Variants in RSPO2 observed in about 807,000 individuals in gnomAD.
RSPO2 encodes R-spondin 2.
A neutral mutation model predicts 30.9 loss-of-function variants in RSPO2; 14 were observed. That is an observed-to-expected ratio of 0.45 (90% CI 0.30 to 0.71). RSPO2 has a LOEUF of 0.71. Among genes scored for constraint, RSPO2 ranks in the 30% least tolerant of loss-of-function variants. The pLI is 0.08. For synonymous variants in RSPO2, 107 were observed against 96.4 expected, an observed-to-expected ratio of 1.11 and a Z score of -0.64; for missense variants, 264 against 301.9, an observed-to-expected ratio of 0.87 and a Z score of 0.93.
intron 2 of RSPO2, among the ~76,000 whole-genome samples, chr8:108,041,475 G>C (rs1438412605): frequency 3.3e-5 from 5 of 151,946 alleles, no homozygotes; most frequent in African/African-American, 9.7e-5. Context: ...AACAGCAAAA[G>C]CAACAGGCCC....
At chr8:107,906,727 T>G (rs978654209) in intron 5 of RSPO2, among the ~76,000 whole-genome samples, 2 of 152,016 alleles carry the variant, frequency 1.3e-5, no homozygotes, top group African/African-American at 4.8e-5. Context: ...CTATGTCCTA[T>G]GTAGCCTAAG....
chr8:108,061,735 C>T (rs1450365374), intron 2 of RSPO2, among the ~76,000 whole-genome samples: 2 of 151,890 alleles, frequency 1.3e-5, no homozygotes, highest in African/African-American at 2.4e-5. Flanking sequence ...AATATACATT[C>T]TTCTCAGCAC....
intron 2 of RSPO2, among the ~76,000 whole-genome samples, chr8:108,055,606 T>A (rs150520161): frequency 1.3e-5 from 2 of 151,970 alleles, no homozygotes; most frequent in African/African-American, 4.8e-5. Flanking sequence ...GAAAAGAGGG[T>A]GTAAAAATAA....
chr8:108,014,086 A>C (rs867971446), intron 2 of RSPO2, among the ~76,000 whole-genome samples: 5 of 152,236 alleles, frequency 3.3e-5, no homozygotes, highest in Middle Eastern at 3.2e-3. Flanking sequence ...GAAACATATG[A>C]AAAAACCTCA....
At chr8:107,993,741 G>T (rs1331472975) in intron 2 of RSPO2, among the ~76,000 whole-genome samples, 1 of 152,110 alleles carries the variant, frequency 6.6e-6, no homozygotes, top group Non-Finnish European at 1.5e-5. Context: ...TATCAGCAGG[G>T]CGTGCTTCCT....
chr8:107,972,415 G>A (rs960837273), intron 3 of RSPO2, among the ~76,000 whole-genome samples: 1 of 152,036 alleles, frequency 6.6e-6, no homozygotes, highest in East Asian at 1.9e-4. Context: ...CAAAGTGCTG[G>A]GATTATATAT....
At chr8:107,987,082 ACT>A (rs1814668037) in intron 3 of RSPO2, among the ~76,000 whole-genome samples, 1 of 152,096 alleles carries the variant, frequency 6.6e-6, no homozygotes, top group Non-Finnish European at 1.5e-5. Flanking sequence ...AATATTTCTA[ACT>A]CTGCTAACGA....
In RSPO2 at chr8:108,075,027, A is replaced by T. The variant is rs949507394; in HGVS notation, c.94+7518T>A. 8.5e-5 allele frequency among the ~76,000 whole-genome samples: 13 copies of T among 152,306 alleles called. No homozygotes were observed. The East Asian group carries it at 2.5e-3, about 29-fold the overall frequency. The stretch of plus-strand genomic sequence containing the variant: ...TAAAATCATAAATATAATAACTAGG[A>T]TTAAATTTTTTCCTGTACTTATATT... On this transcript the variant is annotated intron_variant, in intron 2 of 5. Transcript: ENST00000276659.
At chr8:107,970,954 TG>T (rs1164549302) in intron 3 of RSPO2, among the ~76,000 whole-genome samples, 2 of 152,232 alleles carry the variant, frequency 1.3e-5, no homozygotes, top group African/African-American at 4.8e-5. Context: ...TACCACGCAG[TG>T]GCAGGCAACC....
At chr8:108,060,442 GATGAAATGA>G (rs1374431455) in intron 2 of RSPO2, among the ~76,000 whole-genome samples, 1 of 151,370 alleles carries the variant, frequency 6.6e-6, no homozygotes, top group African/African-American at 2.5e-5. Context: ...AGTGATTGAA[GATGAAATGA>G]ATGAAATGAA....
chr8:107,957,081 T>C (rs1813456372), intron 5 of RSPO2, among the ~76,000 whole-genome samples: 1 of 152,156 alleles, frequency 6.6e-6, no homozygotes, highest in South Asian at 2.1e-4. Context: ...GTCTTAAAAG[T>C]ATTGTCTTTC....
chr8:108,033,085 G>C (rs1811479018), intron 2 of RSPO2, among the ~76,000 whole-genome samples: 1 of 140,224 alleles, frequency 7.1e-6, no homozygotes, highest in Non-Finnish European at 1.5e-5. Flanking sequence ...AAAATTTGTA[G>C]ATACGGGGTC....
chr8:108,013,075 A>G (rs1449695282), intron 2 of RSPO2, among the ~76,000 whole-genome samples: 2 of 152,130 alleles, frequency 1.3e-5, no homozygotes, highest in African/African-American at 4.8e-5. Context: ...TGAACCCAAA[A>G]CATCCTAGTT....
intron 3 of RSPO2, 60 bp downstream of exon 3, chr8:107,988,996 T>C (rs1814748392): frequency 7.1e-7 from 1 of 1,403,778 alleles, no homozygotes; most frequent in Admixed American, 2.5e-5. Flanking sequence ...AATCTTCAAC[T>C]TAGCTCCTCT....
chr8:107,973,540 A>ACT (rs1303441139), intron 3 of RSPO2, among the ~76,000 whole-genome samples: 2 of 142,124 alleles, frequency 1.4e-5, no homozygotes, highest in African/African-American at 5.8e-5. Flanking sequence ...ACTCACACAC[A>ACT]CACACACACA....
intron 2 of RSPO2, among the ~76,000 whole-genome samples, chr8:108,003,398 A>G (rs1467728069): frequency 7.0e-6 from 1 of 142,004 alleles, no homozygotes; most frequent in Non-Finnish European, 1.5e-5. Context: ...GCCTTGGGTA[A>G]TCCGCCGACC....
chr8:107,972,234 C>T (rs1350283755), intron 3 of RSPO2, among the ~76,000 whole-genome samples: 1 of 151,990 alleles, frequency 6.6e-6, no homozygotes, highest in East Asian at 1.9e-4. Context: ...CAACCTCTGC[C>T]TCCCAGGTTC....
chr8:107,932,721 C>A (rs927563125), intron 5 of RSPO2, among the ~76,000 whole-genome samples: 1 of 151,938 alleles, frequency 6.6e-6, no homozygotes, highest in African/African-American at 2.4e-5. Context: ...GTGCTGACTT[C>A]CAATTGTCTG....
intron 2 of RSPO2, among the ~76,000 whole-genome samples, chr8:108,018,760 A>T (rs925139417): frequency 9.2e-5 from 14 of 152,226 alleles, no homozygotes; most frequent in African/African-American, 3.1e-4. Flanking sequence ...CCAAATGCTA[A>T]GATATATTTT....
Sources: gnomAD v4.1 joint callset for allele counts (sites outside exome capture counted in the v4.1 genomes callset) on GRCh38, gnomAD v4.1.1 for gene constraint, MANE v1.5 for transcripts, NCBI Gene and HGNC (gene_info 2026-07-23, HGNC 2026-07-21) for gene names.